Variants in LYPLAL1 observed in about 807,000 individuals in gnomAD.
The protein encoded by LYPLAL1 is lysophospholipase like 1, also known as lysophospholipase-like protein 1.
In LYPLAL1, 23 loss-of-function variants were observed where a neutral mutation model predicts 19.7. The ratio of observed to expected loss-of-function variants is 1.17; its 90% CI spans 0.84 to 1.65. LYPLAL1 has a LOEUF of 1.65. LYPLAL1 is among the 40% of genes most tolerant of loss of function. The probability of loss-of-function intolerance (pLI) is 0.00; values close to 1 mark genes in which losing one functional copy is unlikely to be tolerated. For synonymous variants in LYPLAL1, 119 were observed against 96.3 expected (o/e 1.24, Z -1.38); for missense variants, 355 against 279.4 (o/e 1.27, Z -1.93).
chr1:219,434,887 T>C, the LYPLAL1 span, among the ~76,000 whole-genome samples: 1 of 146,656 alleles, frequency 6.8e-6, no homozygotes, highest in Non-Finnish European at 1.5e-5. Context: ...GATGCTGTAC[T>C]GGAAAAAAAA....
the LYPLAL1 span, among the ~76,000 whole-genome samples, chr1:219,233,045 A>G: frequency 6.6e-6 from 1 of 152,178 alleles, no homozygotes; most frequent in Non-Finnish European, 1.5e-5. Flanking sequence ...GGTATTCAAA[A>G]ACGTTAAAAG....
chr1:219,186,738 A>G (rs1572166311), intron 2 of LYPLAL1, among the ~76,000 whole-genome samples: 1 of 151,640 alleles, frequency 6.6e-6, no homozygotes, highest in East Asian at 1.9e-4. Context: ...TAACCTACCT[A>G]TATCATTGTA....
At chr1:219,213,494 A>G (rs1659179228), downstream of LYPLAL1, among the ~76,000 whole-genome samples, 1 of 151,852 alleles carries the variant, frequency 6.6e-6, no homozygotes, top group Non-Finnish European at 1.5e-5. Context: ...TTAAACCTGT[A>G]CATCAATTTG....
At chr1:219,206,543 C>A (rs1162842503) in intron 3 of LYPLAL1, among the ~76,000 whole-genome samples, 1 of 151,846 alleles carries the variant, frequency 6.6e-6, no homozygotes, top group Non-Finnish European at 1.5e-5. Flanking sequence ...TTGCAGATTA[C>A]CTCACAAAAT....
At chr1:219,427,282 A>G in the LYPLAL1 span, among the ~76,000 whole-genome samples, 1 of 152,224 alleles carries the variant, frequency 6.6e-6, no homozygotes, top group African/African-American at 2.4e-5. Flanking sequence ...TATATATGTC[A>G]GGTTCAGTCA....
intron 3 of LYPLAL1, among the ~76,000 whole-genome samples, chr1:219,195,384 C>A (rs1657522660): frequency 6.6e-6 from 1 of 151,284 alleles, no homozygotes; most frequent in Non-Finnish European, 1.5e-5. Flanking sequence ...GGTGTGGTGG[C>A]AATAGGAAAA....
the LYPLAL1 span, among the ~76,000 whole-genome samples, chr1:219,275,214 C>G: frequency 2.0e-5 from 3 of 152,168 alleles, no homozygotes; most frequent in African/African-American, 7.2e-5. Context: ...CACCCCACAG[C>G]AAGCTTTCCC....
At chr1:219,197,558 A>G (rs1050206673) in intron 3 of LYPLAL1, among the ~76,000 whole-genome samples, 4 of 152,200 alleles carry the variant, frequency 2.6e-5, no homozygotes, top group African/African-American at 7.2e-5. Context: ...CATTCACAAC[A>G]TAGACATGGG....
chr1:219,174,309 G>A lies in LYPLAL1; in HGVS notation c.91+328G>A, dbSNP rs1655626254. ...TAAACAGAGCAAGTTAGTAAGGTAAGTCTTCTGCTAGAGGGAAATTATTTA... is the reference window on the plus strand; with the variant it reads ...TAAACAGAGCAAGTTAGTAAGGTAAATCTTCTGCTAGAGGGAAATTATTTA... On this transcript the variant is annotated intron_variant, in intron 1 of 4. Transcript: ENST00000366928. 5 of 1,185,978 alleles carry A rather than the reference G, an allele frequency of 4.2e-6. No homozygotes were observed. In the South Asian group the frequency reaches 1.2e-4, roughly 27 times the overall value. The allele number at this position is 1,185,978 out of a possible 1,614,324, so 73.5% of individuals were successfully genotyped here.
At chr1:219,207,457 G>T (rs2125108744) in intron 3 of LYPLAL1, among the ~76,000 whole-genome samples, 1 of 151,940 alleles carries the variant, frequency 6.6e-6, no homozygotes, top group East Asian at 1.9e-4. Flanking sequence ...GATTTTGTAG[G>T]TTTTTTTAAG....
chr1:219,306,785 G>GATAGATAGATAGATAC, the LYPLAL1 span, among the ~76,000 whole-genome samples: 5 of 147,908 alleles, frequency 3.4e-5, no homozygotes, highest in African/African-American at 1.3e-4. Flanking sequence ...TAGATAGATA[G>GATAGATAGATAGATAC]ATACATAGAC....
At position 219,210,472 on chromosome 1, in the gene LYPLAL1, A is replaced by G. The variant is rs1234419968; in HGVS notation, c.362-60A>G. 4.5e-6 allele frequency: 5 copies of G among 1,112,464 alleles called. No homozygotes were observed. In the African/African-American group the frequency reaches 8.0e-5, roughly 18 times the overall value. 68.9% of individuals were successfully genotyped at this position (1,112,464 alleles called of 1,614,324 possible). Reference sequence around the variant, plus strand: ...TTTTAAAAATATGGAAAATTGTTATATATCATATCCTAAATTATTATTTTA... The same window carrying G: ...TTTTAAAAATATGGAAAATTGTTATGTATCATATCCTAAATTATTATTTTA... On this transcript the variant is annotated intron_variant, in intron 3 of 4. Transcript: ENST00000366928.
At chr1:219,291,149 A>G in the LYPLAL1 span, among the ~76,000 whole-genome samples, 5 of 152,298 alleles carry the variant, frequency 3.3e-5, no homozygotes, top group East Asian at 9.6e-4. Context: ...TCTAATTATG[A>G]TGTTTCATAC....
In LYPLAL1 at chr1:219,208,114, T is replaced by G. The variant is rs1182235423; in HGVS notation, c.362-2418T>G. On this transcript the variant is annotated intron_variant, in intron 3 of 4. Coordinates refer to ENST00000366928, the MANE Select transcript of LYPLAL1 (RefSeq NM_138794.5). ...GGGCTGTAAAGAACAGAGGGGAAAT[T>G]GGAAGAGATGAAGGAAGTGAGTGTT... is the stretch of plus-strand genomic sequence containing the variant. Among the ~76,000 whole-genome samples, 3 of 152,150 alleles carry G rather than the reference T, an allele frequency of 2.0e-5. No homozygotes were observed. The East Asian group carries it at 5.8e-4, about 29-fold the overall frequency.
chr1:219,174,304 G>T, intron 1 of LYPLAL1: 1 of 1,201,246 alleles, frequency 8.3e-7, no homozygotes, highest in Non-Finnish European at 1.0e-6. Flanking sequence ...AAGTTAGTAA[G>T]GTAAGTCTTC....
chr1:219,228,779 C>T, the LYPLAL1 span, among the ~76,000 whole-genome samples: 1 of 151,876 alleles, frequency 6.6e-6, no homozygotes, highest in African/African-American at 2.4e-5. Context: ...TCCCAGGTTC[C>T]AGAGATTCTC....
At chr1:219,181,218 A>G (rs1440872574) in intron 2 of LYPLAL1, among the ~76,000 whole-genome samples, 3 of 152,188 alleles carry the variant, frequency 2.0e-5, no homozygotes, top group Non-Finnish European at 2.9e-5. Flanking sequence ...TTTTACATGT[A>G]CGACACATCT....
intron 2 of LYPLAL1, among the ~76,000 whole-genome samples, chr1:219,189,579 G>A (rs1656984843): frequency 6.6e-6 from 1 of 151,578 alleles, no homozygotes; most frequent in Non-Finnish European, 1.5e-5. Context: ...CCTTTCTAGA[G>A]CCACACAGCT....
chr1:219,323,556 G>A, the LYPLAL1 span, among the ~76,000 whole-genome samples: 1 of 152,172 alleles, frequency 6.6e-6, no homozygotes, highest in African/African-American at 2.4e-5. Context: ...GCCCACGTCT[G>A]TTGTGAGCTC....
Sources: allele counts gnomAD v4.1 joint callset (sites outside exome capture counted in the v4.1 genomes callset), GRCh38; gene constraint gnomAD v4.1.1; transcripts MANE v1.5; gene names NCBI Gene and HGNC (gene_info 2026-07-23, HGNC 2026-07-21).